The following PCED1B variants were observed in gnomAD, a reference collection of about 807,000 sequenced individuals.
PCED1B encodes the protein PC-esterase domain containing 1B, also known as PC-esterase domain-containing protein 1B.
For synonymous variants in PCED1B, 251 were observed against 246.1 expected (o/e 1.02, Z -0.19); for missense variants, 573 against 573.9 (o/e 1.00, Z 0.02).
chr12:47,131,322 T>A (rs993375669), intron 2 of PCED1B, among the ~76,000 whole-genome samples: 3 of 152,156 alleles, frequency 2.0e-5, no homozygotes, highest in East Asian at 3.8e-4. Flanking sequence ...CAAAACGCCC[T>A]CCTTAATCAA....
intron 2 of PCED1B, among the ~76,000 whole-genome samples, chr12:47,167,046 C>A (rs2137532290): frequency 6.6e-6 from 1 of 152,118 alleles, no homozygotes; most frequent in Admixed American, 6.5e-5. Context: ...AGGAAGGTGA[C>A]CAAGAAAAGT....
chr12:47,217,489 A>AAAAAG (rs1943319941), intron 3 of PCED1B, among the ~76,000 whole-genome samples: 2 of 112,964 alleles, frequency 1.8e-5, no homozygotes, highest in Non-Finnish European at 3.5e-5. Flanking sequence ...AGAAAGAAAG[A>AAAAAG]AAGAAAGAAA....
At chr12:47,097,304 C>T (rs996109480) in intron 1 of PCED1B, among the ~76,000 whole-genome samples, 10 of 152,132 alleles carry the variant, frequency 6.6e-5, no homozygotes, top group East Asian at 3.9e-4. Context: ...ACTTCTTAAA[C>T]GAGCACCCTC....
At chr12:47,192,957 CA>C (rs956704879) in intron 2 of PCED1B, among the ~76,000 whole-genome samples, 4 of 152,206 alleles carry the variant, frequency 2.6e-5, no homozygotes, top group African/African-American at 9.6e-5. Flanking sequence ...CTCACGTCTA[CA>C]TGAGACCTTC....
At chr12:47,171,345 G>A (rs1941727599) in intron 2 of PCED1B, among the ~76,000 whole-genome samples, 2 of 152,098 alleles carry the variant, frequency 1.3e-5, no homozygotes, top group Admixed American at 1.3e-4. Flanking sequence ...GGGATTACAG[G>A]CGTGAGCCAC....
chr12:47,222,528 C>G (rs1018262906), intron 3 of PCED1B, among the ~76,000 whole-genome samples: 1 of 151,640 alleles, frequency 6.6e-6, no homozygotes, highest in African/African-American at 2.4e-5. Context: ...ACTTTATTCT[C>G]TCTACCTGAA....
chr12:47,179,605 ATAT>A (rs1265681746), intron 2 of PCED1B, among the ~76,000 whole-genome samples: 1 of 152,206 alleles, frequency 6.6e-6, no homozygotes, highest in Admixed American at 6.5e-5. Flanking sequence ...GACACAACTA[ATAT>A]TATGTTGATG....
chr12:47,169,143 A>G (rs1443780854), intron 2 of PCED1B, among the ~76,000 whole-genome samples: 4 of 152,256 alleles, frequency 2.6e-5, no homozygotes, highest in Non-Finnish European at 5.9e-5. Context: ...GAAGACCTAA[A>G]GAAACAGTTA....
chr12:47,203,828 G>A (rs188389763), intron 2 of PCED1B, among the ~76,000 whole-genome samples: 208 of 152,200 alleles, frequency 1.4e-3, no homozygotes, highest in African/African-American at 4.8e-3. Flanking sequence ...GTATATACCC[G>A]GTAATGGGAT....
chr12:47,230,002 C>T (rs1056852191), intron 3 of PCED1B, among the ~76,000 whole-genome samples: 15 of 150,602 alleles, frequency 1.0e-4, no homozygotes, highest in African/African-American at 3.7e-4. Flanking sequence ...TCTCAATCTC[C>T]TGACCTCGTG....
chr12:47,228,451 G>A (rs1486419993), intron 3 of PCED1B, among the ~76,000 whole-genome samples: 1 of 152,184 alleles, frequency 6.6e-6, no homozygotes, highest in Non-Finnish European at 1.5e-5. Flanking sequence ...GGGCAGAGGA[G>A]AGGGTTGCCT....
At chr12:47,127,713 T>G (rs1305705825) in intron 2 of PCED1B, among the ~76,000 whole-genome samples, 1 of 152,208 alleles carries the variant, frequency 6.6e-6, no homozygotes, top group Admixed American at 6.5e-5. Flanking sequence ...TAGTATACTT[T>G]ATAAAACTTA....
intron 2 of PCED1B, among the ~76,000 whole-genome samples, chr12:47,110,586 C>A (rs1303220399): frequency 6.6e-6 from 1 of 152,092 alleles, no homozygotes; most frequent in Admixed American, 6.6e-5. Flanking sequence ...CACAAAGATA[C>A]TCCATAAAAC....
At chr12:47,127,596 C>T (rs1331421308) in intron 2 of PCED1B, among the ~76,000 whole-genome samples, 1 of 151,952 alleles carries the variant, frequency 6.6e-6, no homozygotes, top group Admixed American at 6.6e-5. Flanking sequence ...GATCTCCTGA[C>T]CTCGTGATCT....
At chr12:47,218,394 G>A (rs536833978) in intron 3 of PCED1B, among the ~76,000 whole-genome samples, 3 of 152,232 alleles carry the variant, frequency 2.0e-5, no homozygotes, top group Non-Finnish European at 2.9e-5. Flanking sequence ...GCTCCAAGCC[G>A]TAGAGCTTGA....
At chr12:47,172,168 C>T (rs530015053) in intron 2 of PCED1B, among the ~76,000 whole-genome samples, 65 of 152,096 alleles carry the variant, frequency 4.3e-4, no homozygotes, top group Non-Finnish European at 9.0e-4. Flanking sequence ...TCTCCTGGAT[C>T]TTTCTTCCAA....
intron 3 of PCED1B, among the ~76,000 whole-genome samples, chr12:47,228,656 G>T (rs1005547419): frequency 6.6e-6 from 1 of 152,046 alleles, no homozygotes; most frequent in African/African-American, 2.4e-5. Flanking sequence ...GATCATCTGA[G>T]GTCAGGAGTT....
chr12:47,183,449 G>A (rs577961104), intron 2 of PCED1B, among the ~76,000 whole-genome samples: 1 of 152,278 alleles, frequency 6.6e-6, no homozygotes, highest in Admixed American at 6.5e-5. Context: ...AATAGGCAAT[G>A]TATCTCAAAA....
chr12:47,157,156 G>A (rs893547906), intron 2 of PCED1B, among the ~76,000 whole-genome samples: 1 of 151,980 alleles, frequency 6.6e-6, no homozygotes, highest in African/African-American at 2.4e-5. Flanking sequence ...TGTTAGGAAT[G>A]GGTTTCTCTA....
Sources: gnomAD v4.1 joint callset for allele counts (sites outside exome capture counted in the v4.1 genomes callset) on GRCh38, gnomAD v4.1.1 for gene constraint, MANE v1.5 for transcripts, NCBI Gene and HGNC (gene_info 2026-07-23, HGNC 2026-07-21) for gene names.